Variants in MRM2 observed in about 807,000 individuals in gnomAD.
The protein encoded by MRM2 is mitochondrial rRNA methyltransferase 2.
In MRM2, 15 loss-of-function variants were observed where a neutral mutation model predicts 10.9. That is an observed-to-expected ratio of 1.37 (90% CI 0.92 to 2.11). MRM2 has a LOEUF of 2.11. MRM2 is among the 30% of genes most tolerant of loss of function. The pLI is 0.00. For synonymous variants in MRM2, 139 were observed against 128.7 expected (o/e 1.08, Z -0.54); for missense variants, 328 against 321.3 (o/e 1.02, Z -0.16).
rs776306783 is a variant in MRM2, at chr7:2,239,157, A to G, written c.298+261T>C. ...TGCATGCACAAGCCTGGAAGGATGC[A>G]CACCACCATGCTGGTGCTGGTACCT... On this transcript the variant is annotated intron_variant, in intron 2 of 2. Coordinates refer to ENST00000242257, the MANE Select transcript of MRM2 (RefSeq NM_013393.3). The G allele has an allele frequency of 3.8e-6, 3 of 779,354 alleles. No homozygotes were observed. The African/African-American group carries it at 5.1e-5, about 13-fold the overall frequency. 48.3% of individuals were successfully genotyped at this position (779,354 alleles called of 1,614,324 possible).
intron 1 of MRM2, 53 bp downstream of exon 1, chr7:2,242,109 G>A: frequency 6.4e-7 from 1 of 1,570,712 alleles, no homozygotes; most frequent in Non-Finnish European, 8.6e-7. Flanking sequence ...GCGACCGGGC[G>A]GACCCCCAAC....
At position 2,235,505 on chromosome 7, in the gene MRM2, C is replaced by G. The variant is rs1425039446; in HGVS notation, c.358G>C (p.Glu120Gln). ...GVDLLHIFPLEGATFLCPADV... is the reference protein window; with the variant it reads ...GVDLLHIFPLQGATFLCPADV... Reference sequence around the variant, plus strand: ...GCAGGGCACAGAAAAGTTGCTCCTTCCAGGGGGAATATGTGAAGAAGATCT... The same window carrying G: ...GCAGGGCACAGAAAAGTTGCTCCTTGCAGGGGGAATATGTGAAGAAGATCT... The change falls in exon 3 of 3, where the codon GAA (glutamate) becomes CAA (glutamine). Residue 120 changes from glutamate to glutamine, a missense_variant. Transcript: ENST00000242257. 9.3e-6 allele frequency: 15 copies of G among 1,613,682 alleles called. No homozygotes were observed. The highest frequency in any genetic ancestry group is 1.3e-5 in the Non-Finnish European group (15 of 1,179,940).
At chr7:2,237,891 C>CAAAAAAAAAAAAAAAAAAAAAA in intron 2 of MRM2, 1 of 82,214 alleles carries the variant, frequency 1.2e-5, no homozygotes, top group Non-Finnish European at 2.4e-5. Flanking sequence ...GCTCTATAAA[C>CAAAAAAAAAAAAAAAAAAAAAA]AAAAAAAAAA....
At chr7:2,237,891 C>CAAAA (rs11323829) in intron 2 of MRM2, 29 of 82,208 alleles carry the variant, frequency 3.5e-4, no homozygotes, top group African/African-American at 4.8e-4. Flanking sequence ...GCTCTATAAA[C>CAAAA]AAAAAAAAAA....
Position 2,234,960 on chromosome 7 carries a change from T to C in MRM2, c.*162A>G. ...CTGAACTTAGTTTTGTCATCTCTTT[T>C]TGGTTAAAAAGAGAGAGAGAGAAAG... On this transcript the variant is annotated 3_prime_UTR_variant, in exon 3 of 3. Coordinates refer to ENST00000242257, the MANE Select transcript of MRM2 (RefSeq NM_013393.3). The C allele has an allele frequency of 1.6e-6, 1 of 612,554 alleles. No individual in the cohort carries two copies. 37.9% of individuals were successfully genotyped at this position (612,554 alleles called of 1,614,324 possible).
intron 2 of MRM2, 94 bp downstream of exon 2, chr7:2,239,324 T>A (rs1794477734): frequency 7.8e-7 from 1 of 1,275,988 alleles, no homozygotes; most frequent in African/African-American, 1.5e-5. Flanking sequence ...AAAAAAGGGC[T>A]CCACCATCCC....
chr7:2,237,427 C>A (rs1794437126), intron 2 of MRM2, among the ~76,000 whole-genome samples: 1 of 152,224 alleles, frequency 6.6e-6, no homozygotes, highest in Non-Finnish European at 1.5e-5. Context: ...CAAGCCCAGG[C>A]AGATCACGCT....
chr7:2,242,127 G>A (rs775432347), intron 1 of MRM2, 35 bp downstream of exon 1: 3 of 1,582,156 alleles, frequency 1.9e-6, no homozygotes, highest in Admixed American at 1.7e-5. Flanking sequence ...AACCACTCCC[G>A]CTGTCTGCAC....
rs374607783 is a variant in MRM2 at position 2,235,085 on chromosome 7, G to A, written c.*37C>T. Reference sequence around the variant, plus strand: ...TCAGGCTACGTTTCTAGCTTAAAAGGAGCTAATGACCATTATGAAAATGGC... The same window carrying A: ...TCAGGCTACGTTTCTAGCTTAAAAGAAGCTAATGACCATTATGAAAATGGC... On this transcript the variant is annotated 3_prime_UTR_variant, in exon 3 of 3. Transcript: ENST00000242257. 1 of 1,493,318 alleles carries A rather than the reference G, an allele frequency of 6.7e-7. No homozygotes were observed. Among genetic ancestry groups the A allele is most frequent in the Admixed American group, 1.7e-5 (1 of 58,090 alleles). The allele number at this position is 1,493,318 out of a possible 1,614,324, so 92.5% of individuals were successfully genotyped here.
At chr7:2,238,588 G>C (rs918848662) in intron 2 of MRM2, 4 of 152,192 alleles carry the variant, frequency 2.6e-5, no homozygotes, top group African/African-American at 9.7e-5. Flanking sequence ...GAAAGCCCCA[G>C]GGCTTATGCG....
Position 2,235,070 on chromosome 7 carries a change from T to C in MRM2, c.*52A>G. On this transcript the variant is annotated 3_prime_UTR_variant, in exon 3 of 3. Coordinates refer to ENST00000242257, the MANE Select transcript of MRM2 (RefSeq NM_013393.3). ...GAACTCTTCAGGAGCTCAGGCTACGTTTCTAGCTTAAAAGGAGCTAATGAC... is the reference window on the plus strand; with the variant it reads ...GAACTCTTCAGGAGCTCAGGCTACGCTTCTAGCTTAAAAGGAGCTAATGAC... 7.1e-7 allele frequency: 1 copy of C among 1,414,546 alleles called. No individual in the cohort carries two copies. Among genetic ancestry groups the C allele is most frequent in the Non-Finnish European group, 9.9e-7 (1 of 1,013,298 alleles). The allele number at this position is 1,414,546 out of a possible 1,614,324, so 87.6% of individuals were successfully genotyped here. A position where few individuals can be genotyped will look rare whatever the true frequency, so the allele number is the denominator to read the frequency against.
intron 2 of MRM2, chr7:2,237,880 G>A (rs1794446114): frequency 7.2e-6 from 1 of 138,768 alleles, no homozygotes; most frequent in Non-Finnish European, 1.5e-5. Flanking sequence ...AACAGAGTGA[G>A]GCTCTATAAA....
At position 2,235,382 on chromosome 7, in the gene MRM2, C is replaced by T. The variant is rs760220573; in HGVS notation, c.481G>A (p.Gly161Arg). The T allele has an allele frequency of 8.1e-6, 13 of 1,614,104 alleles. No individual in the cohort carries two copies. The South Asian group carries it at 1.2e-4, about 15-fold the overall frequency. Reference sequence around the variant, plus strand: ...CTGTCATGATCGAGGTCCCGGAACCCTGTGGCATTGGGCGCCATGTCGCTC... The same window carrying T: ...CTGTCATGATCGAGGTCCCGGAACCTTGTGGCATTGGGCGCCATGTCGCTC... ...ILSDMAPNATGFRDLDHDRLI... is the reference protein window; with the variant it reads ...ILSDMAPNATRFRDLDHDRLI... The change falls in exon 3 of 3, where the codon GGG (glycine) becomes AGG (arginine). Residue 161 changes from glycine to arginine, a missense_variant. Transcript: ENST00000242257.
chr7:2,235,433 G>A lies in MRM2; in HGVS notation c.430C>T (p.Pro144Ser). 1.2e-6 allele frequency: 2 copies of A among 1,614,040 alleles called. No individual in the cohort carries two copies. The highest frequency in any genetic ancestry group is 2.2e-5 in the South Asian group (2 of 91,058). The change falls in exon 3 of 3, where the codon CCT (proline) becomes TCT (serine). Residue 144 changes from proline (P) to serine (S), a missense_variant. Coordinates refer to ENST00000242257, the MANE Select transcript of MRM2 (RefSeq NM_013393.3). ...RTSQRILEVL[P>S]GRRADVILSD... ...AGAATCACATCTGCTCTCCTGCCAG[G>A]AAGCACCTCGAGGATTCTCTGTGAG...
chr7:2,235,533 C>T lies in MRM2; in HGVS notation c.330G>A (p.Gly110=). The T allele has an allele frequency of 6.2e-7, 1 of 1,612,310 alleles. No homozygotes were observed. Among genetic ancestry groups the T allele is most frequent in the African/African-American group, 1.3e-5 (1 of 74,878 alleles). ...GGGGGAATATGTGAAGAAGATCTAC[C>T]CCAAGCACGAAGCCAACAGGAGAGC... is the stretch of plus-strand genomic sequence containing the variant. ...DPSSPVGFVL[G]VDLLHIFPLE... Residue 110 remains glycine, a synonymous_variant, in exon 3 of 3, where the codon GGG becomes GGA. Coordinates refer to ENST00000242257, the MANE Select transcript of MRM2 (RefSeq NM_013393.3).
At chr7:2,240,353 T>G (rs1794498676) in intron 1 of MRM2, 3 of 449,778 alleles carry the variant, frequency 6.7e-6, no homozygotes, top group Middle Eastern at 3.3e-4. Context: ...GTGACCTAGT[T>G]CCAGGGCTTT....
rs1347315824 is a variant in MRM2 at position 2,235,277 on chromosome 7, A to G, written c.586T>C (p.Trp196Arg). Residue 196 changes from tryptophan (W) to arginine (R), a missense_variant, in exon 3 of 3, where the codon TGG becomes CGG. Transcript: ENST00000242257. ...QPGGTFLCKTWAGSQSRRLQR... is the reference protein window; with the variant it reads ...QPGGTFLCKTRAGSQSRRLQR... ...AACCGACGGCTTTGACTTCCAGCCCAGGTTTTACAAAGGAATGTCCCCCCA... is the reference window on the plus strand; with the variant it reads ...AACCGACGGCTTTGACTTCCAGCCCGGGTTTTACAAAGGAATGTCCCCCCA... 6 of 1,614,010 alleles carry G rather than the reference A, an allele frequency of 3.7e-6. No homozygotes were observed. Among genetic ancestry groups the G allele is most frequent in the African/African-American group, 1.3e-5 (1 of 74,904 alleles).
At chr7:2,235,736 A>T (rs1794409918) in intron 2 of MRM2, among the ~76,000 whole-genome samples, 172 bp from the exon 3 acceptor site, 1 of 152,222 alleles carries the variant, frequency 6.6e-6, no homozygotes, top group African/African-American at 2.4e-5. Flanking sequence ...CTATAAAGAC[A>T]CATGGTGGAG....
chr7:2,239,855 G>C (rs903794923), intron 1 of MRM2, 148 bp from the exon 2 acceptor site: 38 of 693,088 alleles, frequency 5.5e-5, no homozygotes, highest in South Asian at 1.9e-4. Context: ...CTACACAGAT[G>C]GAAAGCAGGC....
Sources: allele counts gnomAD v4.1 joint callset (sites outside exome capture counted in the v4.1 genomes callset), GRCh38; gene constraint gnomAD v4.1.1; transcripts MANE v1.5; gene names NCBI Gene and HGNC (gene_info 2026-07-23, HGNC 2026-07-21).